KIF26A: variants seen among roughly 807,000 people sequenced by gnomAD.
KIF26A encodes the protein kinesin-like protein KIF26A.
Under a neutral mutation model 126.0 loss-of-function variants are expected in KIF26A, and 74 were observed. That is an observed-to-expected ratio of 0.59 (90% CI 0.49 to 0.71). KIF26A has a LOEUF of 0.71. KIF26A is among the 30% of genes least tolerant of loss of function. KIF26A has a pLI of 0.00. For synonymous variants in KIF26A, 1,445 were observed against 1,232.7 expected (o/e 1.17, Z -3.61); for missense variants, 2,984 against 2,763.3 (o/e 1.08, Z -1.79).
intron 4 of KIF26A, among the ~76,000 whole-genome samples, chr14:104,161,620 G>A (rs948944859): frequency 1.3e-5 from 2 of 152,208 alleles, no homozygotes; most frequent in Non-Finnish European, 2.9e-5. Context: ...TCAGGTGCCC[G>A]CTGTCTCGTT....
chr14:104,165,645 G>A (rs1368241496), intron 4 of KIF26A, among the ~76,000 whole-genome samples: 1 of 128,816 alleles, frequency 7.8e-6, no homozygotes. Flanking sequence ...CTGTGTTTCT[G>A]TATGCATGTG....
intron 4 of KIF26A, among the ~76,000 whole-genome samples, chr14:104,162,024 T>C (rs547568926): frequency 9.2e-5 from 14 of 152,328 alleles, no homozygotes; most frequent in African/African-American, 3.4e-4. Flanking sequence ...CCTCAAGGGC[T>C]GTTGAACCCA....
At chr14:104,149,053 CT>C (rs976218368) in intron 2 of KIF26A, among the ~76,000 whole-genome samples, 7 of 152,188 alleles carry the variant, frequency 4.6e-5, no homozygotes, top group African/African-American at 1.4e-4. Flanking sequence ...GCCCTGGCCC[CT>C]ATGCTGTGCC....
At chr14:104,166,061 C>T (rs1271995533) in intron 4 of KIF26A, among the ~76,000 whole-genome samples, 10 of 151,296 alleles carry the variant, frequency 6.6e-5, no homozygotes, top group African/African-American at 9.6e-5. Context: ...CCACCCCTGG[C>T]GGTGCTGGGG....
chr14:104,148,579 G>A lies in KIF26A; in HGVS notation c.289-3436G>A, dbSNP rs1208101361. Reference sequence around the variant, plus strand: ...AGAGGAGGCCTGGTCCCACTGCCCAGCCTGTGCAGAGGTTGGAAGGTGCAG... The same window carrying A: ...AGAGGAGGCCTGGTCCCACTGCCCAACCTGTGCAGAGGTTGGAAGGTGCAG... On this transcript the variant is annotated intron_variant, in intron 2 of 14. Transcript: ENST00000423312. The surrounding 1 kb of genome is among the most constrained non-coding windows in gnomAD (Gnocchi z 4.3). 6.6e-6 allele frequency among the ~76,000 whole-genome samples: 1 copy of A among 150,920 alleles called. No homozygotes were observed.
In KIF26A at chr14:104,175,960, G is replaced by A. The variant is rs1171101386; in HGVS notation, c.3172G>A (p.Asp1058Asn). 6.4e-6 allele frequency: 10 copies of A among 1,569,970 alleles called. No homozygotes were observed. Among genetic ancestry groups the A allele is most frequent in the Admixed American group, 5.4e-5 (3 of 55,652 alleles). ...AGRPTSLASF[D>N]SDCSLRALAS... ...GCGGCCCACCAGCCTGGCTAGCTTCGACAGTGACTGCTCCCTGCGGGCCCT... is the reference window on the plus strand; with the variant it reads ...GCGGCCCACCAGCCTGGCTAGCTTCAACAGTGACTGCTCCCTGCGGGCCCT... Residue 1058 changes from aspartate (D) to asparagine (N), a missense_variant, in exon 12 of 15, where the codon GAC becomes AAC. Physicochemically the swap from Asp to Asn is conservative, Grantham distance 23. Transcript: ENST00000423312.
Position 104,177,007 on chromosome 14 carries a change from C to G in KIF26A, c.4219C>G (p.Arg1407Gly), listed in dbSNP as rs751963452. The change falls in exon 12 of 15, where the codon CGG becomes GGG. Residue 1407 changes from arginine to glycine, a missense_variant. By Grantham distance (125) the Arg-to-Gly change is moderately radical. Transcript: ENST00000423312. The stretch of plus-strand genomic sequence containing the variant: ...GGAGGAGGAGCCCAGACCCAGCAGC[C>G]GGGCTGACCACTCTGTCCCCAGGGC... ...RGEEEPRPSS[R>G]ADHSVPRATS... 1.2e-5 allele frequency: 18 copies of G among 1,551,618 alleles called. No homozygotes were observed. Among genetic ancestry groups the G allele is most frequent in the Non-Finnish European group, 1.6e-5 (18 of 1,156,078 alleles).
chr14:104,165,144 T>C (rs2037874131), intron 4 of KIF26A, among the ~76,000 whole-genome samples: 1 of 151,886 alleles, frequency 6.6e-6, no homozygotes, highest in African/African-American at 2.4e-5. Context: ...TCTGTGTGTT[T>C]CTGTATGCAT....
chr14:104,172,837 A>C (rs1400288854), intron 7 of KIF26A, 140 bp from the exon 8 acceptor site: 36 of 1,254,660 alleles, frequency 2.9e-5, no homozygotes, highest in Non-Finnish European at 3.8e-5. Flanking sequence ...CCCCTGCCGA[A>C]CTGAAAGGCA....
intron 2 of KIF26A, among the ~76,000 whole-genome samples, chr14:104,142,857 C>T (rs2037649326): frequency 6.6e-6 from 1 of 152,210 alleles, no homozygotes. Context: ...GGCTTTTCCT[C>T]CCACACCCCA....
At chr14:104,154,162 C>T (rs1220609508) in intron 3 of KIF26A, among the ~76,000 whole-genome samples, 1 of 152,076 alleles carries the variant, frequency 6.6e-6, no homozygotes, top group African/African-American at 2.4e-5. Flanking sequence ...TGGAGAGATG[C>T]GCTGCAAATC....
intron 4 of KIF26A, among the ~76,000 whole-genome samples, chr14:104,161,911 C>T (rs750477801): frequency 2.6e-5 from 4 of 152,212 alleles, no homozygotes; most frequent in Non-Finnish European, 4.4e-5. Flanking sequence ...CTGAGGGCCG[C>T]CGCTCCCTGG....
In KIF26A at chr14:104,139,261, G is replaced by A; in HGVS notation, c.261G>A (p.Leu87=). 1 of 1,542,962 alleles carries A rather than the reference G, an allele frequency of 6.5e-7. No homozygotes were observed. The change falls in exon 2 of 15, where the codon CTG becomes CTA. Residue 87 remains leucine, a synonymous_variant. Coordinates refer to ENST00000423312, the MANE Select transcript of KIF26A (RefSeq NM_015656.2). The part of the protein sequence containing the change: ...LVELKRQAWK[L]VSGPGTTLRD... ...AGCTCAAGCGACAGGCGTGGAAGCT[G>A]GTCAGCGGGCCCGGGACCACCCTCC...
chr14:104,178,605 C>T lies in KIF26A; in HGVS notation c.5166C>T (p.Gly1722=). 6.5e-7 allele frequency: 1 copy of T among 1,546,134 alleles called. No individual in the cohort carries two copies. ...CACTGCCCGACACCACTGCCCTGGG[C>T]CGTAAGCCCAGCCTCCCCGGGCAGT... is the stretch of plus-strand genomic sequence containing the variant. ...PAPLPDTTAL[G]RKPSLPGQWV... The change falls in exon 13 of 15, where the codon GGC becomes GGT. Residue 1722 remains glycine (G), a synonymous_variant. Coordinates refer to ENST00000423312, the MANE Select transcript of KIF26A (RefSeq NM_015656.2).
At chr14:104,139,888 G>T (rs965982103) in intron 2 of KIF26A, among the ~76,000 whole-genome samples, 9 of 152,202 alleles carry the variant, frequency 5.9e-5, no homozygotes, top group Non-Finnish European at 1.2e-4. Context: ...GGTTCCCCAG[G>T]CTCCAGCCCC....
At chr14:104,164,429 G>A (rs548205403) in intron 4 of KIF26A, among the ~76,000 whole-genome samples, 5 of 152,224 alleles carry the variant, frequency 3.3e-5, no homozygotes, top group South Asian at 2.1e-4. Context: ...CCCCTGTGGC[G>A]TCCTGGTGTC....
At chr14:104,164,826 TGTGA>T (rs1399112885) in intron 4 of KIF26A, among the ~76,000 whole-genome samples, 3 of 151,842 alleles carry the variant, frequency 2.0e-5, no homozygotes, top group Non-Finnish European at 4.4e-5. Flanking sequence ...CTTGTCTCTG[TGTGA>T]GTGTCTGAGT....
intron 2 of KIF26A, among the ~76,000 whole-genome samples, chr14:104,144,169 C>G (rs910029495): frequency 1.3e-5 from 2 of 152,316 alleles, no homozygotes; most frequent in South Asian, 4.1e-4. Context: ...TCTTGTCTCT[C>G]TTGCTTCTTT....
rs946999 is a variant in KIF26A at position 104,180,434 on chromosome 14, T to C, written c.*644T>C. ...CTGAGCCCCAGGTACAGGTTGCCTC[T>C]TCCACGGCAGGAATTTTTACCAAAA... On this transcript the variant is annotated 3_prime_UTR_variant, in exon 15 of 15. Coordinates refer to ENST00000423312, the MANE Select transcript of KIF26A (RefSeq NM_015656.2). 84,553 of 151,944 alleles carry C rather than the reference T, an allele frequency of 0.56. 24,572 individuals are homozygous for C. The highest frequency in any genetic ancestry group is 0.71 in the African/African-American group (29,380 of 41,422). The allele number at this position is 151,944 out of a possible 1,614,324, so 9.4% of individuals were successfully genotyped here.
Sources: allele counts gnomAD v4.1 joint callset (sites outside exome capture counted in the v4.1 genomes callset), GRCh38; gene constraint gnomAD v4.1.1; non-coding constraint Gnocchi (gnomAD v3.1); transcripts MANE v1.5; gene names NCBI Gene and HGNC (gene_info 2026-07-23, HGNC 2026-07-21).